The following CSMD1 variants were observed in gnomAD, a reference collection of about 807,000 sequenced individuals.
The protein encoded by CSMD1 is CUB and Sushi multiple domains 1, also known as CUB and sushi domain-containing protein 1.
CSMD1 carries 213 observed loss-of-function variants against 417.5 expected under a neutral mutation model. The ratio of observed to expected loss-of-function variants is 0.51; its 90% confidence interval spans 0.46 to 0.57. The LOEUF (loss-of-function observed/expected upper bound fraction) is 0.57. Ranked by LOEUF, CSMD1 falls within the 20% of genes least tolerant of loss-of-function variation. The pLI is 0.00. For synonymous variants in CSMD1, 2,862 were observed against 1,736.8 expected, an observed-to-expected ratio of 1.65 and a Z score of -16.11; for missense variants, 6,923 against 4,529.7, an observed-to-expected ratio of 1.53 and a Z score of -15.17.
chr8:4,669,137 C>T (rs1377589376), intron 1 of CSMD1, among the ~76,000 whole-genome samples: 2 of 152,234 alleles, frequency 1.3e-5, no homozygotes, highest in East Asian at 3.9e-4. Flanking sequence ...GTGTTTTCTC[C>T]CTATTTCCTT....
intron 9 of CSMD1, 29 bp downstream of exon 9, chr8:3,586,107 C>G (rs757641643): frequency 1.9e-6 from 3 of 1,597,820 alleles, no homozygotes; most frequent in East Asian, 2.2e-5. Context: ...AAGAGATAAT[C>G]CAGGCTTTAC....
At position 3,395,405 on chromosome 8, in the gene CSMD1, G is replaced by A. The variant is rs74304361; in HGVS notation, c.2593+789C>T. 1.3e-4 allele frequency among the ~76,000 whole-genome samples: 20 copies of A among 152,202 alleles called. No homozygotes were observed. In the East Asian group the frequency reaches 3.3e-3, roughly 25 times the overall value. ...CTTTGTTTTGTTTTAATTGGCTAATGTTAAAAATGTATTCCTAGGGGTGAT... is the reference window on the plus strand; with the variant it reads ...CTTTGTTTTGTTTTAATTGGCTAATATTAAAAATGTATTCCTAGGGGTGAT... On this transcript the variant is annotated intron_variant, in intron 17 of 69. Transcript: ENST00000635120.
intron 23 of CSMD1, among the ~76,000 whole-genome samples, chr8:3,320,928 C>T (rs1388355874): frequency 3.3e-5 from 5 of 152,198 alleles, no homozygotes; most frequent in African/African-American, 1.2e-4. Flanking sequence ...CGTTCAGTAG[C>T]AAAATACAAA....
intron 3 of CSMD1, among the ~76,000 whole-genome samples, chr8:4,227,023 G>A (rs925617220): frequency 2.6e-5 from 4 of 152,122 alleles, no homozygotes; most frequent in South Asian, 2.1e-4. Context: ...ATCTCTGCAG[G>A]TGAGATGGGT....
intron 12 of CSMD1, among the ~76,000 whole-genome samples, chr8:3,459,589 G>A (rs1189920703): frequency 6.6e-6 from 1 of 152,122 alleles, no homozygotes; most frequent in Non-Finnish European, 1.5e-5. Context: ...GCCAACAGGG[G>A]AATTCAACCA....
intron 1 of CSMD1, among the ~76,000 whole-genome samples, chr8:4,973,301 C>T (rs1810352564): frequency 6.6e-6 from 1 of 152,122 alleles, no homozygotes; most frequent in Non-Finnish European, 1.5e-5. Flanking sequence ...ATGATAACTG[C>T]ACAGGCCTTG....
intron 3 of CSMD1, among the ~76,000 whole-genome samples, chr8:4,120,245 G>C (rs1020464644): frequency 6.6e-6 from 1 of 151,882 alleles, no homozygotes; most frequent in Non-Finnish European, 1.5e-5. Context: ...ATGACTCCTG[G>C]GGCATAAAAA....
chr8:3,018,978 C>T (rs992988791), intron 51 of CSMD1, among the ~76,000 whole-genome samples: 6 of 152,104 alleles, frequency 3.9e-5, no homozygotes, highest in Admixed American at 1.3e-4. Context: ...AGTGCAGTGG[C>T]GCTATCCTGG....
At chr8:3,825,651 G>A (rs752779111) in intron 5 of CSMD1, among the ~76,000 whole-genome samples, 2 of 152,082 alleles carry the variant, frequency 1.3e-5, no homozygotes, top group Non-Finnish European at 2.9e-5. Flanking sequence ...AGCCAAATGC[G>A]ACTGAGGCCA....
intron 3 of CSMD1, among the ~76,000 whole-genome samples, chr8:4,159,982 GT>G (rs1797056789): frequency 6.6e-6 from 1 of 151,922 alleles, no homozygotes; most frequent in Non-Finnish European, 1.5e-5. Flanking sequence ...TACCAATTGG[GT>G]TCAATGTATA....
At chr8:4,018,481 A>G (rs1217974317) in intron 4 of CSMD1, among the ~76,000 whole-genome samples, 3 of 152,100 alleles carry the variant, frequency 2.0e-5, no homozygotes, top group Non-Finnish European at 4.4e-5. Context: ...TTGCACAAGG[A>G]GCAGGTGGAG....
chr8:3,082,764 T>C (rs191678766), intron 49 of CSMD1, among the ~76,000 whole-genome samples: 5 of 152,330 alleles, frequency 3.3e-5, no homozygotes, highest in African/African-American at 1.2e-4. Flanking sequence ...CAAGAAATTA[T>C]ACAAAAGATA....
intron 55 of CSMD1, 46 bp downstream of exon 55, chr8:2,978,566 C>T: frequency 6.9e-7 from 1 of 1,445,952 alleles, no homozygotes; most frequent in Non-Finnish European, 9.3e-7. Context: ...CTGATGGTGA[C>T]CTTGCAGGGG....
intron 3 of CSMD1, among the ~76,000 whole-genome samples, chr8:4,188,119 T>G (rs759330034): frequency 6.6e-6 from 1 of 152,052 alleles, no homozygotes; most frequent in Non-Finnish European, 1.5e-5. Flanking sequence ...ATTAAAAACA[T>G]AGGTTTTAAG....
chr8:3,613,520 T>A (rs1801988904), intron 8 of CSMD1, among the ~76,000 whole-genome samples: 1 of 151,924 alleles, frequency 6.6e-6, no homozygotes, highest in East Asian at 1.9e-4. Flanking sequence ...TTTTAACAAG[T>A]CAAATTCAAC....
chr8:4,212,734 A>C (rs547793766), intron 3 of CSMD1, among the ~76,000 whole-genome samples: 1 of 141,200 alleles, frequency 7.1e-6, no homozygotes, highest in African/African-American at 2.8e-5. Context: ...TGAAAAGTTT[A>C]CAACAGCGGC....
At chr8:3,704,131 C>T (rs978433866) in intron 7 of CSMD1, among the ~76,000 whole-genome samples, 7 of 152,140 alleles carry the variant, frequency 4.6e-5, no homozygotes, top group Non-Finnish European at 7.3e-5. Context: ...AGTCCTCCAT[C>T]ACTGTGGCAG....
At chr8:3,175,231 C>A (rs754214566) in intron 37 of CSMD1, among the ~76,000 whole-genome samples, 1 of 152,162 alleles carries the variant, frequency 6.6e-6, no homozygotes, top group Non-Finnish European at 1.5e-5. Context: ...CTCCATTTTA[C>A]TCCCACCTGG....
At chr8:4,514,951 C>G (rs1803035551) in intron 2 of CSMD1, among the ~76,000 whole-genome samples, 1 of 152,190 alleles carries the variant, frequency 6.6e-6, no homozygotes, top group Admixed American at 6.5e-5. Context: ...ATATCTCACC[C>G]AAGATTTTTG....
Sources: gnomAD v4.1 joint callset for allele counts (sites outside exome capture counted in the v4.1 genomes callset) on GRCh38, gnomAD v4.1.1 for gene constraint, MANE v1.5 for transcripts, NCBI Gene and HGNC (gene_info 2026-07-23, HGNC 2026-07-21) for gene names.